ACSM3: variants seen among roughly 807,000 people sequenced by gnomAD.
The protein encoded by ACSM3 is acyl-CoA synthetase medium chain family member 3, also known as acyl-coenzyme A synthetase ACSM3, mitochondrial.
A neutral mutation model predicts 74.1 loss-of-function variants in ACSM3; 61 were observed. That is an observed-to-expected ratio of 0.82 (90% CI 0.67 to 1.02). The LOEUF (loss-of-function observed/expected upper bound fraction) is 1.02. ACSM3 is among the 50% of genes least tolerant of loss of function. ACSM3 has a pLI of 0.00. For synonymous variants in ACSM3, 213 were observed against 241.5 expected (o/e 0.88, Z 1.09); for missense variants, 660 against 697.0 (o/e 0.95, Z 0.60).
chr16:20,732,288 TTC>T lies in ACSM3; in HGVS notation c.-189-17620_-189-17619del, dbSNP rs200942959. Among the ~76,000 whole-genome samples, 945 of 152,252 alleles carry T rather than the reference TTC, an allele frequency of 6.2e-3. 8 individuals carry two copies. The highest frequency in any genetic ancestry group is 0.021 in the African/African-American group (883 of 41,552). ...TACTGACTGATCCTCTGCATGAAATTTCTGTTTTAGTTAGCATCATTTCAGTC... is the reference window on the plus strand; with the variant it reads ...TACTGACTGATCCTCTGCATGAAATTTGTTTTAGTTAGCATCATTTCAGTC... On this transcript the variant is annotated intron_variant, in intron 1 of 3. Coordinates refer to the ACSM3 transcript ENST00000561584.
chr16:20,763,121 T>C (rs2080090955), upstream of ACSM3, among the ~76,000 whole-genome samples: 1 of 152,254 alleles, frequency 6.6e-6, no homozygotes, highest in Admixed American at 6.5e-5. Context: ...AAGAGTCCTT[T>C]ATTTATTCAC....
At chr16:20,765,282 G>T (rs2080113641) in intron 1 of ACSM3, among the ~76,000 whole-genome samples, 1 of 152,152 alleles carries the variant, frequency 6.6e-6, no homozygotes, top group African/African-American at 2.4e-5. Context: ...CTGGGAAATA[G>T]AAGTTGTAAA....
In ACSM3 at chr16:20,777,413, A is replaced by G. The variant is rs1381134404; in HGVS notation, c.471A>G (p.Lys157=). The G allele has an allele frequency of 1.2e-6, 2 of 1,614,118 alleles. No homozygotes were observed. The highest frequency in any genetic ancestry group is 2.2e-5 in the East Asian group (1 of 44,884). The change falls in exon 4 of 14, where the codon AAA becomes AAG. Residue 157 remains lysine (K), a synonymous_variant. Coordinates refer to ENST00000289416, the MANE Select transcript of ACSM3 (RefSeq NM_005622.4). ...CAGGAACCACTCAGCTGACCCAGAAAGACATTCTCTACAGACTACAATCTT... is the reference window on the plus strand; with the variant it reads ...CAGGAACCACTCAGCTGACCCAGAAGGACATTCTCTACAGACTACAATCTT... The part of the protein sequence containing the change: ...LIPGTTQLTQ[K]DILYRLQSSK...
At chr16:20,759,485 G>A (rs578085848), upstream of ACSM3, among the ~76,000 whole-genome samples, 2 of 151,652 alleles carry the variant, frequency 1.3e-5, no homozygotes, top group South Asian at 4.2e-4. Flanking sequence ...GTGTAAACCT[G>A]GGAGGTGGAG....
At chr16:20,726,695 T>C (rs2079807440) in intron 1 of ACSM3, among the ~76,000 whole-genome samples, 1 of 152,180 alleles carries the variant, frequency 6.6e-6, no homozygotes, top group Non-Finnish European at 1.5e-5. Context: ...TACTACTTAC[T>C]AATAGTGTGG....
intron 1 of ACSM3, among the ~76,000 whole-genome samples, chr16:20,732,150 A>G (rs764138): frequency 0.49 from 73,956 of 151,942 alleles, 18,939 homozygotes; most frequent in Non-Finnish European, 0.58. Flanking sequence ...AGAATACCCA[A>G]AGAAACCATG....
intron 1 of ACSM3, among the ~76,000 whole-genome samples, chr16:20,717,224 C>T (rs1404745212): frequency 1.3e-5 from 2 of 152,304 alleles, no homozygotes; most frequent in East Asian, 1.9e-4. Flanking sequence ...CCTCATGACT[C>T]TTTTCAGAAC....
At chr16:20,774,217 T>C (rs547206880) in intron 2 of ACSM3, among the ~76,000 whole-genome samples, 38 of 151,864 alleles carry the variant, frequency 2.5e-4, no homozygotes, top group African/African-American at 9.2e-4. Flanking sequence ...AATATTATTT[T>C]CCATCTCTTC....
At chr16:20,737,227 CT>C (rs1266311009) in intron 1 of ACSM3, 1 of 1,614,210 alleles carries the variant, frequency 6.2e-7, no homozygotes, top group East Asian at 2.2e-5. Context: ...TCTACTACCA[CT>C]GTGTACTGTG....
Position 20,777,399 on chromosome 16 carries a change from C to A in ACSM3, c.457C>A (p.Gln153Lys). The A allele has an allele frequency of 1.2e-6, 2 of 1,614,006 alleles. No individual in the cohort carries two copies. Among genetic ancestry groups the A allele is most frequent in the South Asian group, 2.2e-5 (2 of 91,056 alleles). The change falls in exon 4 of 14, where the codon CAG (glutamine) becomes AAG (lysine). Residue 153 changes from glutamine to lysine, a missense_variant. Transcript: ENST00000289416. ...TGTVLIPGTT[Q>K]LTQKDILYRL... ...GACAGTTTTAATTCCAGGAACCACTCAGCTGACCCAGAAAGACATTCTCTA... is the reference window on the plus strand; with the variant it reads ...GACAGTTTTAATTCCAGGAACCACTAAGCTGACCCAGAAAGACATTCTCTA...
chr16:20,734,436 T>C (rs1230892343), intron 1 of ACSM3: 1 of 152,612 alleles, frequency 6.6e-6, no homozygotes, highest in African/African-American at 2.4e-5. Context: ...AGGAAGGTCC[T>C]GCCTATTCTC....
At chr16:20,737,975 T>TTA in intron 1 of ACSM3, 1 of 1,547,452 alleles carries the variant, frequency 6.5e-7, no homozygotes, top group Non-Finnish European at 8.7e-7. Context: ...AAAAAAAAAG[T>TTA]TAAGAAGATA....
At position 20,704,183 on chromosome 16, in the gene ACSM3, T is replaced by C. The variant is rs577962182; in HGVS notation, c.-190+29361T>C. The stretch of plus-strand genomic sequence containing the variant: ...TTGAGACTCTCTGGGTTTAGGCAGC[T>C]ATATAATATGGACTCAAATTTATTG... On this transcript the variant is annotated intron_variant, in intron 1 of 3. Coordinates refer to the ACSM3 transcript ENST00000561584. Among the ~76,000 whole-genome samples, 28 of 152,330 alleles carry C rather than the reference T, an allele frequency of 1.8e-4. 1 individual carries two copies. In the South Asian group the frequency reaches 5.6e-3, roughly 30 times the overall value.
intron 1 of ACSM3, among the ~76,000 whole-genome samples, chr16:20,712,250 AC>A (rs2079746305): frequency 6.6e-6 from 1 of 152,170 alleles, no homozygotes. Flanking sequence ...AGTAGTTACA[AC>A]AGAAACCTAG....
At chr16:20,725,408 T>A (rs2079801358) in intron 1 of ACSM3, 1 of 243,252 alleles carries the variant, frequency 4.1e-6, no homozygotes, top group Middle Eastern at 4.9e-4. Flanking sequence ...CCTCCCACCA[T>A]GTACTGGATG....
intron 1 of ACSM3, among the ~76,000 whole-genome samples, chr16:20,716,321 G>C (rs2079761301): frequency 6.6e-6 from 1 of 152,154 alleles, no homozygotes. Context: ...AAATAAAAGA[G>C]TCTTGGAAGA....
chr16:20,721,290 T>A (rs1326700729), intron 1 of ACSM3: 1 of 152,280 alleles, frequency 6.6e-6, no homozygotes, highest in Non-Finnish European at 1.5e-5. Context: ...AAAAAAGGCA[T>A]GTGTGCAGAT....
chr16:20,741,501 A>AC, intron 1 of ACSM3: 1 of 180,276 alleles, frequency 5.5e-6, no homozygotes, highest in Non-Finnish European at 1.1e-5. Flanking sequence ...CCACCCCGGG[A>AC]CCGGTACCTT....
At chr16:20,718,757 A>G (rs1476370230) in intron 1 of ACSM3, among the ~76,000 whole-genome samples, 1 of 152,110 alleles carries the variant, frequency 6.6e-6, no homozygotes, top group Non-Finnish European at 1.5e-5. Flanking sequence ...AGGTAAATTT[A>G]CCTACCCAGA....
Sources: gnomAD v4.1 joint callset for allele counts (sites outside exome capture counted in the v4.1 genomes callset) on GRCh38, gnomAD v4.1.1 for gene constraint, MANE v1.5 for transcripts, NCBI Gene and HGNC (gene_info 2026-07-23, HGNC 2026-07-21) for gene names.